Variants in ANLN observed in about 807,000 individuals in gnomAD.
ANLN encodes anillin.
A neutral mutation model predicts 135.1 loss-of-function variants in ANLN; 59 were observed. That is an observed-to-expected ratio of 0.44 (90% confidence interval 0.35 to 0.54). ANLN has a LOEUF of 0.54. Among genes scored for constraint, ANLN ranks in the 20% least tolerant of loss-of-function variants. The probability of loss-of-function intolerance (pLI) is 0.00; values close to 1 mark genes in which losing one functional copy is unlikely to be tolerated. For missense variants in ANLN, 1,182 were observed against 1,340.0 expected, an observed-to-expected ratio of 0.88 and a Z score of 1.84; for synonymous variants, 406 against 456.4, an observed-to-expected ratio of 0.89 and a Z score of 1.41.
intron 19 of ANLN, among the ~76,000 whole-genome samples, chr7:36,426,494 T>A (rs1788082900): frequency 6.6e-6 from 1 of 152,162 alleles, no homozygotes; most frequent in South Asian, 2.1e-4. Flanking sequence ...CCAAAAGGAA[T>A]TAGGATGGAG....
At chr7:36,418,941 G>A (rs1407218735) in intron 9 of ANLN, among the ~76,000 whole-genome samples, 1 of 151,928 alleles carries the variant, frequency 6.6e-6, no homozygotes, top group Non-Finnish European at 1.5e-5. Flanking sequence ...ATTTTTAGTA[G>A]AGACTGGGCT....
chr7:36,433,450 A>G (rs1788408799), intron 20 of ANLN, among the ~76,000 whole-genome samples: 1 of 150,988 alleles, frequency 6.6e-6, no homozygotes, highest in Non-Finnish European at 1.5e-5. Flanking sequence ...TCAGCCAGCC[A>G]TCATTCTTTT....
intron 6 of ANLN, 101 bp downstream of exon 6, chr7:36,410,805 A>G: frequency 2.4e-6 from 3 of 1,246,790 alleles, no homozygotes; most frequent in Non-Finnish European, 3.4e-6. Context: ...TGAGATAAGT[A>G]GCATCTTGGT....
chr7:36,399,827 A>G (rs2116530538), intron 3 of ANLN, among the ~76,000 whole-genome samples: 1 of 152,344 alleles, frequency 6.6e-6, no homozygotes, highest in South Asian at 2.1e-4. Flanking sequence ...GAGCAGCTGC[A>G]AAGTATATTA....
chr7:36,427,878 G>A (rs1172732628), intron 20 of ANLN, among the ~76,000 whole-genome samples: 1 of 151,898 alleles, frequency 6.6e-6, no homozygotes, highest in Non-Finnish European at 1.5e-5. Flanking sequence ...ACAACTAGAG[G>A]CAAATTTTAT....
chr7:36,399,941 G>A (rs1786870381), intron 3 of ANLN, among the ~76,000 whole-genome samples: 1 of 151,804 alleles, frequency 6.6e-6, no homozygotes, highest in South Asian at 2.1e-4. Context: ...TATGCAACAG[G>A]GTTATTTATG....
chr7:36,451,306 T>C (rs985068318), intron 23 of ANLN, among the ~76,000 whole-genome samples: 25 of 152,170 alleles, frequency 1.6e-4, no homozygotes, highest in African/African-American at 6.0e-4. Context: ...TTCTGATCTC[T>C]ACTGCATACT....
intron 7 of ANLN, among the ~76,000 whole-genome samples, chr7:36,413,438 A>G (rs1200485501): frequency 1.3e-5 from 2 of 152,162 alleles, no homozygotes; most frequent in Middle Eastern, 3.2e-3. Context: ...TTCTGTTGGG[A>G]GCGCCTTCTT....
At chr7:36,447,522 T>C (rs909149808) in intron 22 of ANLN, among the ~76,000 whole-genome samples, 1 of 150,988 alleles carries the variant, frequency 6.6e-6, no homozygotes, top group Non-Finnish European at 1.5e-5. Flanking sequence ...CCTCCCGGGT[T>C]CACGCCATTC....
At chr7:36,439,363 T>G in intron 21 of ANLN, 73 bp downstream of exon 21, 1 of 866,008 alleles carries the variant, frequency 1.2e-6, no homozygotes, top group Non-Finnish European at 1.8e-6. Flanking sequence ...CCCATAGGAA[T>G]GAAATCCTTT....
In ANLN at chr7:36,411,071, G is replaced by C. The variant is rs762478089; in HGVS notation, c.1300G>C (p.Glu434Gln). ...TTGATGGGTTTAGGAACGTCAAAAA[G>C]AACTAGCATGTCTTCGTGGCCGATT... ...AQQLKQERQKELACLRGRFDK... is the reference protein window; with the variant it reads ...AQQLKQERQKQLACLRGRFDK... The change falls in exon 7 of 24, where the codon GAA (glutamate) becomes CAA (glutamine). Residue 434 changes from glutamate (E) to glutamine (Q), a missense_variant. By Grantham distance (29) the Glu-to-Gln change is conservative. Around this residue, in one of 3 missense-constraint regions of ANLN, gnomAD observed 1,022 missense variants for 1,134.0 expected, o/e 0.90. Coordinates refer to ENST00000265748, the MANE Select transcript of ANLN (RefSeq NM_018685.5). 4.4e-6 allele frequency: 7 copies of C among 1,606,714 alleles called. No homozygotes were observed. In the South Asian group the frequency reaches 7.8e-5, roughly 18 times the overall value.
chr7:36,443,970 T>C, intron 22 of ANLN, 108 bp downstream of exon 22: 1 of 721,102 alleles, frequency 1.4e-6, no homozygotes, highest in East Asian at 2.9e-5. Flanking sequence ...TAATAACCCT[T>C]TTTGTGTACT....
At chr7:36,428,247 T>C in intron 20 of ANLN, 6 of 916,680 alleles carry the variant, frequency 6.5e-6, no homozygotes, top group Non-Finnish European at 8.6e-6. Flanking sequence ...ATTCAGCTAC[T>C]TTAACCAGTT....
intron 21 of ANLN, among the ~76,000 whole-genome samples, 175 bp downstream of exon 21, chr7:36,439,465 A>G (rs1195812285): frequency 2.0e-5 from 3 of 152,242 alleles, no homozygotes; most frequent in Non-Finnish European, 2.9e-5. Flanking sequence ...AAAGACCACA[A>G]AAAATAATTC....
chr7:36,438,036 G>A (rs1393253703), intron 20 of ANLN, among the ~76,000 whole-genome samples: 2 of 152,144 alleles, frequency 1.3e-5, no homozygotes, highest in Non-Finnish European at 2.9e-5. Flanking sequence ...TGATTCACCC[G>A]CCTCAGCCTC....
intron 20 of ANLN, among the ~76,000 whole-genome samples, chr7:36,431,502 T>TC (rs1788304718): frequency 6.7e-6 from 1 of 150,360 alleles, no homozygotes; most frequent in African/African-American, 2.4e-5. Flanking sequence ...CAATGTTACT[T>TC]TAGATATCTG....
At chr7:36,441,792 A>G (rs1476595194) in intron 21 of ANLN, among the ~76,000 whole-genome samples, 1 of 152,198 alleles carries the variant, frequency 6.6e-6, no homozygotes, top group Non-Finnish European at 1.5e-5. Flanking sequence ...TATTACCTTT[A>G]TGATGTAAAA....
At chr7:36,403,552 T>C (rs1437078995) in intron 3 of ANLN, 1 of 152,094 alleles carries the variant, frequency 6.6e-6, no homozygotes, top group South Asian at 2.1e-4. Context: ...TTCAGGGCAG[T>C]GGTATAGGCA....
chr7:36,428,425 C>A, intron 20 of ANLN: 1 of 909,180 alleles, frequency 1.1e-6, no homozygotes, highest in Non-Finnish European at 1.5e-6. Context: ...TTTTGATCTA[C>A]ATATATTTGT....
Sources: allele counts gnomAD v4.1 joint callset (sites outside exome capture counted in the v4.1 genomes callset), GRCh38; gene constraint gnomAD v4.1.1; regional missense constraint gnomAD v4.1.1; transcripts MANE v1.5; gene names NCBI Gene and HGNC (gene_info 2026-07-23, HGNC 2026-07-21).